CENPP: variants seen among roughly 807,000 people sequenced by gnomAD.
CENPP encodes the protein centromere protein P.
A neutral mutation model predicts 35.6 loss-of-function variants in CENPP; 24 were observed. The observed-to-expected ratio is 0.67, with a 90% confidence interval of 0.49 to 0.95. The LOEUF (loss-of-function observed/expected upper bound fraction) is 0.95. Among genes scored for constraint, CENPP ranks in the 40% least tolerant of loss-of-function variants. The pLI, the probability that CENPP is intolerant of heterozygous loss-of-function variation, is 0.00. For synonymous variants in CENPP, 120 were observed against 125.5 expected (o/e 0.96, Z 0.29); for missense variants, 332 against 345.3 (o/e 0.96, Z 0.31).
intron 3 of CENPP, chr9:92,341,467 C>T (rs902201604): frequency 1.7e-4 from 26 of 152,144 alleles, no homozygotes; most frequent in Admixed American, 5.2e-4. Flanking sequence ...CTCCCCTGGA[C>T]GCCCAGCTTT....
chr9:92,611,074 A>G, intron 5 of CENPP: 1 of 585,144 alleles, frequency 1.7e-6, no homozygotes, highest in Non-Finnish European at 3.0e-6. Context: ...TAGGGAGGTT[A>G]TGTACAATGT....
chr9:92,534,344 C>G (rs750781921), intron 5 of CENPP, among the ~76,000 whole-genome samples: 2 of 152,208 alleles, frequency 1.3e-5, no homozygotes, highest in Non-Finnish European at 1.5e-5. Context: ...ATAACTTCAT[C>G]TGCCAGAATC....
chr9:92,430,024 A>G (rs1844065061), intron 5 of CENPP, among the ~76,000 whole-genome samples: 2 of 152,172 alleles, frequency 1.3e-5, no homozygotes, highest in South Asian at 4.1e-4. Flanking sequence ...TGAGGGGTCA[A>G]TCCTCAGGCA....
At chr9:92,429,660 G>A (rs771058076) in intron 5 of CENPP, among the ~76,000 whole-genome samples, 15 of 151,998 alleles carry the variant, frequency 9.9e-5, no homozygotes, top group Admixed American at 6.6e-4. Context: ...GGTGGTAGGC[G>A]CCTATAATCC....
intron 5 of CENPP, among the ~76,000 whole-genome samples, chr9:92,595,632 C>T (rs2131379845): frequency 6.6e-6 from 1 of 151,522 alleles, no homozygotes; most frequent in South Asian, 2.1e-4. Context: ...GTGGCACCAT[C>T]TCGGCTCACT....
At chr9:92,358,489 C>T (rs1190297039) in intron 4 of CENPP, among the ~76,000 whole-genome samples, 2 of 152,126 alleles carry the variant, frequency 1.3e-5, no homozygotes, top group Non-Finnish European at 2.9e-5. Context: ...AGTGATCCAC[C>T]CACCTTGGCC....
intron 5 of CENPP, among the ~76,000 whole-genome samples, chr9:92,473,024 T>A (rs1363175303): frequency 6.6e-6 from 1 of 152,154 alleles, no homozygotes; most frequent in Admixed American, 6.6e-5. Flanking sequence ...GGAGGTAGGA[T>A]GGGTGCAGCA....
intron 5 of CENPP, among the ~76,000 whole-genome samples, chr9:92,588,768 T>C (rs1168426532): frequency 3.3e-5 from 5 of 152,108 alleles, no homozygotes; most frequent in African/African-American, 1.2e-4. Flanking sequence ...CAGGTGAGAA[T>C]GTAAAGAAGG....
At chr9:92,549,496 A>T (rs1342931055) in intron 5 of CENPP, among the ~76,000 whole-genome samples, 1 of 152,000 alleles carries the variant, frequency 6.6e-6, no homozygotes, top group African/African-American at 2.4e-5. Context: ...AAAATACAAA[A>T]ATTAGCTGGG....
intron 5 of CENPP, chr9:92,515,262 A>G: frequency 7.1e-7 from 1 of 1,402,700 alleles, no homozygotes; most frequent in Non-Finnish European, 9.3e-7. Context: ...ATAAAAGAAA[A>G]AACCATAATG....
In CENPP at chr9:92,567,383, T is replaced by TATATATATATATATATAG. The variant is rs1564005533; in HGVS notation, c.565-43918_565-43917insTATAGATATATATATATA. 7.1e-4 allele frequency among the ~76,000 whole-genome samples: 67 copies of TATATATATATATATATAG among 94,616 alleles called. 1 individual carries two copies. In the South Asian group the frequency reaches 0.018, roughly 26 times the overall value. 62.1% of individuals were successfully genotyped at this position (94,616 alleles called of 152,430 possible). A position where few individuals can be genotyped will look rare whatever the true frequency, so the allele number is the denominator to read the frequency against. On this transcript the variant is annotated intron_variant, in intron 5 of 7. Transcript: ENST00000375587. ...CAGTTACATAAGATAGATATATATA[T>TATATATATATATATATAG]ATATATATATATAGATATATATATA...
intron 3 of CENPP, among the ~76,000 whole-genome samples, chr9:92,343,709 G>T (rs772922810): frequency 1.3e-5 from 2 of 152,178 alleles, no homozygotes; most frequent in Non-Finnish European, 2.9e-5. Flanking sequence ...ACTGAGGGAA[G>T]CCAAGGCAGG....
intron 5 of CENPP, among the ~76,000 whole-genome samples, chr9:92,388,615 C>A (rs1473818362): frequency 6.6e-6 from 1 of 151,174 alleles, no homozygotes; most frequent in African/African-American, 2.4e-5. Context: ...CCAAAGTGGG[C>A]GGATCACCTG....
rs143228943 is a variant in CENPP, at chr9:92,449,674, G to A, written c.564+69815G>A. 1.6e-4 allele frequency among the ~76,000 whole-genome samples: 25 copies of A among 151,980 alleles called. No individual in the cohort carries two copies. In the East Asian group the frequency reaches 3.9e-3, roughly 24 times the overall value. ...TGGGAGGTGATTGGATCATGGGGGCGGATTTTCCCCTTGGAGCAGTTCTCA... is the reference window on the plus strand; with the variant it reads ...TGGGAGGTGATTGGATCATGGGGGCAGATTTTCCCCTTGGAGCAGTTCTCA... On this transcript the variant is annotated intron_variant, in intron 5 of 7. Coordinates refer to ENST00000375587, the MANE Select transcript of CENPP (RefSeq NM_001012267.3).
At chr9:92,403,776 A>G (rs1036437004) in intron 5 of CENPP, 1 of 594,156 alleles carries the variant, frequency 1.7e-6, no homozygotes, top group Non-Finnish European at 2.1e-6. Context: ...TGTAGTATAA[A>G]TAGTTAAAAT....
chr9:92,505,927 T>G (rs1846979059), intron 5 of CENPP, among the ~76,000 whole-genome samples: 1 of 151,952 alleles, frequency 6.6e-6, no homozygotes, highest in African/African-American at 2.4e-5. Flanking sequence ...AAAAAATCAT[T>G]GAAATGCTAG....
chr9:92,530,758 T>C (rs548047661), intron 5 of CENPP, among the ~76,000 whole-genome samples: 4 of 152,298 alleles, frequency 2.6e-5, no homozygotes, highest in Admixed American at 1.3e-4. Context: ...TAACTGAGTA[T>C]ATTATGTGGT....
intron 5 of CENPP, among the ~76,000 whole-genome samples, chr9:92,555,927 C>T (rs1482094366): frequency 3.3e-5 from 5 of 151,890 alleles, no homozygotes; most frequent in African/African-American, 1.2e-4. Context: ...TTCCTTTCTT[C>T]TGCTGGGTCT....
chr9:92,386,333 C>G, intron 5 of CENPP: 1 of 1,316,428 alleles, frequency 7.6e-7, no homozygotes, highest in Non-Finnish European at 1.1e-6. Flanking sequence ...TATTGAGGTT[C>G]TGTACATTCT....
Sources: allele counts gnomAD v4.1 joint callset (sites outside exome capture counted in the v4.1 genomes callset), GRCh38; gene constraint gnomAD v4.1.1; transcripts MANE v1.5; gene names NCBI Gene and HGNC (gene_info 2026-07-23, HGNC 2026-07-21).